The following SCN8A variants were observed in gnomAD, a reference collection of about 807,000 sequenced individuals.
The protein encoded by SCN8A is sodium voltage-gated channel alpha subunit 8, also known as sodium channel protein type 8 subunit alpha.
Under a neutral mutation model 184.1 loss-of-function variants are expected in SCN8A, and 30 were observed. The ratio of observed to expected loss-of-function variants is 0.16; its 90% CI spans 0.12 to 0.22. The LOEUF (loss-of-function observed/expected upper bound fraction) is 0.22, where lower values mean the gene tolerates loss of function less well. Among genes scored for constraint, SCN8A ranks in the 10% least tolerant of loss-of-function variants. SCN8A has a pLI of 1.00. For synonymous variants in SCN8A, 852 were observed against 907.0 expected (o/e 0.94, Z 1.09); for missense variants, 1,057 against 2,498.9 (o/e 0.42, Z 12.30).
intron 1 of SCN8A, among the ~76,000 whole-genome samples, chr12:51,594,725 A>G (rs1183732021): frequency 1.3e-5 from 2 of 152,194 alleles, no homozygotes; most frequent in African/African-American, 2.4e-5. Context: ...TAGTTTTACC[A>G]TCCTTACCAT....
chr12:51,604,481 G>T (rs947749121), intron 1 of SCN8A, among the ~76,000 whole-genome samples: 4 of 150,622 alleles, frequency 2.7e-5, no homozygotes, highest in South Asian at 2.1e-4. Flanking sequence ...AGGTTTTTTT[G>T]TTTGTTTGTT....
intron 13 of SCN8A, among the ~76,000 whole-genome samples, chr12:51,748,674 A>G (rs1942550580): frequency 6.6e-6 from 1 of 152,230 alleles, no homozygotes; most frequent in African/African-American, 2.4e-5. Flanking sequence ...CCCTAGAGGT[A>G]ACTGGCCATA....
chr12:51,803,907 A>G (rs1938621486), intron 26 of SCN8A, among the ~76,000 whole-genome samples: 1 of 152,172 alleles, frequency 6.6e-6, no homozygotes, highest in African/African-American at 2.4e-5. Flanking sequence ...TTTTCCTGAA[A>G]AGCTAAGATT....
intron 21 of SCN8A, among the ~76,000 whole-genome samples, chr12:51,781,569 C>T (rs572917640): frequency 1.3e-5 from 2 of 152,236 alleles, no homozygotes; most frequent in East Asian, 3.9e-4. Context: ...GTCACCCTAC[C>T]AACTTAGAAA....
rs570377501 is a variant in SCN8A at position 51,746,498 on chromosome 12, T to G, written c.2131+463T>G. ...TTTTCCCTTAAGGAAGAATGTACTG[T>G]GCGTTTTGATTGCACCTAGTTCTGT... On this transcript the variant is annotated intron_variant, in intron 13 of 26. Coordinates refer to ENST00000627620, the MANE Select transcript of SCN8A (RefSeq NM_001330260.2). Among the ~76,000 whole-genome samples the G allele has an allele frequency of 2.1e-4, 32 of 152,356 alleles. 7 individuals carry two copies. The highest frequency in any genetic ancestry group is 7.7e-4 in the African/African-American group (32 of 41,576).
intron 12 of SCN8A, among the ~76,000 whole-genome samples, chr12:51,736,276 T>G (rs188247839): frequency 4.6e-5 from 7 of 152,174 alleles, no homozygotes; most frequent in Admixed American, 3.9e-4. Context: ...CTGCAAAAGG[T>G]GACATTTAAC....
At chr12:51,778,767 T>C (rs2138887309) in intron 20 of SCN8A, among the ~76,000 whole-genome samples, 1 of 152,292 alleles carries the variant, frequency 6.6e-6, no homozygotes, top group Non-Finnish European at 1.5e-5. Context: ...AACTAATTTG[T>C]AGATTGTTTC....
At chr12:51,708,582 A>C (rs187603608) in intron 11 of SCN8A, among the ~76,000 whole-genome samples, 117 of 152,202 alleles carry the variant, frequency 7.7e-4, no homozygotes, top group Non-Finnish European at 1.5e-3. Flanking sequence ...TCATTTTCCC[A>C]CTTGCATCTC....
chr12:51,694,615 C>T (rs1246304620), intron 6 of SCN8A, among the ~76,000 whole-genome samples: 1 of 152,204 alleles, frequency 6.6e-6, no homozygotes, highest in South Asian at 2.1e-4. Flanking sequence ...CTGTTGCACA[C>T]TCTGTTGTGT....
chr12:51,712,400 A>G, intron 11 of SCN8A: 2 of 732,156 alleles, frequency 2.7e-6, no homozygotes, highest in South Asian at 1.5e-5. Context: ...AGTAACCTGC[A>G]GCTTTCCTGA....
intron 14 of SCN8A, among the ~76,000 whole-genome samples, chr12:51,760,319 C>T (rs910453679): frequency 1.4e-4 from 21 of 152,178 alleles, no homozygotes; most frequent in African/African-American, 4.8e-4. Flanking sequence ...TGTATTTTGA[C>T]ACACACCCAA....
chr12:51,782,908 T>C (rs1937968757), intron 21 of SCN8A, among the ~76,000 whole-genome samples: 1 of 152,256 alleles, frequency 6.6e-6, no homozygotes, highest in Non-Finnish European at 1.5e-5. Context: ...CCCGAATGAA[T>C]AATCAAAACA....
chr12:51,806,346 A>G lies in SCN8A; in HGVS notation c.4860A>G (p.Arg1620=). The change falls in exon 27 of 27, where the codon CGA becomes CGG. Residue 1620 remains arginine (R), a synonymous_variant. Transcript: ENST00000627620. This position sits in a 1 kb window ranked among gnomAD's most constrained non-coding sequence, Gnocchi z 8.7. ...FVSPTLFRVI[R]LARIGRILRL... is the part of the protein sequence containing the mutation. The stretch of plus-strand genomic sequence containing the variant: ...CCCCAACCCTATTCCGAGTCATCCG[A>G]TTGGCCCGTATTGGGCGCATCTTGC... 6.4e-7 allele frequency: 1 copy of G among 1,568,552 alleles called. No homozygotes were observed. Among genetic ancestry groups the G allele is most frequent in the African/African-American group, 1.4e-5 (1 of 73,836 alleles).
intron 1 of SCN8A, among the ~76,000 whole-genome samples, chr12:51,633,161 C>T (rs1009699536): frequency 2.0e-5 from 3 of 152,078 alleles, no homozygotes; most frequent in South Asian, 2.1e-4. Context: ...AGGAGGGTAG[C>T]CAAGAGATGT....
At chr12:51,769,614 G>T (rs1216786184) in intron 17 of SCN8A, among the ~76,000 whole-genome samples, 1 of 152,146 alleles carries the variant, frequency 6.6e-6, no homozygotes, top group African/African-American at 2.4e-5. Flanking sequence ...CTGAGTTATA[G>T]CCCTGAAACC....
At position 51,730,610 on chromosome 12, in the gene SCN8A, A is replaced by G. The variant is rs572116209; in HGVS notation, c.1998+8702A>G. Among the ~76,000 whole-genome samples the G allele has an allele frequency of 5.2e-4, 79 of 152,314 alleles. No individual in the cohort carries two copies. In the South Asian group the frequency reaches 0.016, roughly 30 times the overall value. ...GTAAGTATATATATTTATGAGGTACATGAGATACTTTGATACAGGCATGCA... is the reference window on the plus strand; with the variant it reads ...GTAAGTATATATATTTATGAGGTACGTGAGATACTTTGATACAGGCATGCA... On this transcript the variant is annotated intron_variant, in intron 12 of 26. Transcript: ENST00000627620.
chr12:51,656,994 A>G (rs746700914), intron 1 of SCN8A, among the ~76,000 whole-genome samples: 26 of 152,228 alleles, frequency 1.7e-4, no homozygotes, highest in Non-Finnish European at 3.1e-4. Context: ...AGAATTACCA[A>G]TTCCACTCCT....
chr12:51,797,653 C>G (rs896251430), intron 26 of SCN8A, among the ~76,000 whole-genome samples: 3 of 152,182 alleles, frequency 2.0e-5, no homozygotes, highest in African/African-American at 7.2e-5. Context: ...ACAGGGCATG[C>G]TAATACTAAG....
intron 1 of SCN8A, among the ~76,000 whole-genome samples, chr12:51,600,914 G>T (rs774466208): frequency 6.6e-6 from 1 of 152,208 alleles, no homozygotes; most frequent in Non-Finnish European, 1.5e-5. Context: ...ACATTTGGCA[G>T]AAGTCCCCAT....
Sources: allele counts gnomAD v4.1 joint callset (sites outside exome capture counted in the v4.1 genomes callset), GRCh38; gene constraint gnomAD v4.1.1; non-coding constraint Gnocchi (gnomAD v3.1); transcripts MANE v1.5; gene names NCBI Gene and HGNC (gene_info 2026-07-23, HGNC 2026-07-21).